KLF12: variants seen among roughly 807,000 people sequenced by gnomAD.
The protein encoded by KLF12 is Krueppel-like factor 12.
In KLF12, 9 loss-of-function variants were observed where a neutral mutation model predicts 37.8. That is an observed-to-expected ratio of 0.24 (90% CI 0.14 to 0.42). KLF12 has a LOEUF of 0.42. Ranked by LOEUF, KLF12 falls within the 10% of genes least tolerant of loss-of-function variation. KLF12 has a pLI of 1.00. For synonymous variants in KLF12, 208 were observed against 202.1 expected (o/e 1.03, Z -0.25); for missense variants, 411 against 516.0 (o/e 0.80, Z 1.97).
chr13:73,870,799 T>C (rs1886426449), intron 3 of KLF12, among the ~76,000 whole-genome samples: 1 of 152,208 alleles, frequency 6.6e-6, no homozygotes, highest in Non-Finnish European at 1.5e-5. Flanking sequence ...GTCTTTCAAA[T>C]ATATTTCTTT....
chr13:74,249,711 A>G, the KLF12 span, among the ~76,000 whole-genome samples: 1 of 152,186 alleles, frequency 6.6e-6, no homozygotes, highest in African/African-American at 2.4e-5. Flanking sequence ...TGCTTTTGAA[A>G]CAATGTGTTC....
At chr13:74,002,578 G>C (rs1056742571) in intron 1 of KLF12, among the ~76,000 whole-genome samples, 18 of 152,102 alleles carry the variant, frequency 1.2e-4, no homozygotes, top group Non-Finnish European at 2.4e-4. Context: ...ATGTTGCTTA[G>C]GCTGGTCTCA....
At chr13:74,196,415 C>G in the KLF12 span, among the ~76,000 whole-genome samples, 1 of 152,140 alleles carries the variant, frequency 6.6e-6, no homozygotes, top group African/African-American at 2.4e-5. Context: ...GGGTGTGCTG[C>G]AACCCTTGAC....
At chr13:74,071,648 G>A (rs574992407) in intron 1 of KLF12, among the ~76,000 whole-genome samples, 23 of 152,160 alleles carry the variant, frequency 1.5e-4, no homozygotes, top group South Asian at 8.3e-4. Flanking sequence ...AGCCAAGATC[G>A]CACCACTGCA....
intron 5 of KLF12, among the ~76,000 whole-genome samples, chr13:73,776,699 A>G (rs1052876795): frequency 6.6e-6 from 1 of 152,218 alleles, no homozygotes; most frequent in Non-Finnish European, 1.5e-5. Flanking sequence ...TACAGAGTTT[A>G]CCCTGCAGAA....
the KLF12 span, among the ~76,000 whole-genome samples, chr13:74,233,767 A>G: frequency 1.3e-5 from 2 of 152,236 alleles, no homozygotes; most frequent in African/African-American, 2.4e-5. Context: ...TCAGATCATC[A>G]TATGATAAGA....
At chr13:74,172,239 A>G in the KLF12 span, among the ~76,000 whole-genome samples, 6 of 152,122 alleles carry the variant, frequency 3.9e-5, no homozygotes, top group Admixed American at 2.6e-4. Context: ...TCAGATATCA[A>G]CAAGGTATTT....
intron 7 of KLF12, 25 bp from the exon 8 acceptor site, chr13:73,695,696 C>T (rs1295492813): frequency 1.2e-6 from 2 of 1,606,812 alleles, no homozygotes; most frequent in African/African-American, 2.7e-5. Flanking sequence ...GGAACACAAG[C>T]TTTGGTGCTC....
intron 1 of KLF12, among the ~76,000 whole-genome samples, chr13:74,091,244 C>T (rs1187468423): frequency 1.3e-5 from 2 of 152,164 alleles, no homozygotes; most frequent in Non-Finnish European, 1.5e-5. Context: ...AAAGAACAAA[C>T]ATTCGAACTA....
chr13:73,998,647 G>T (rs1202008496), intron 1 of KLF12, among the ~76,000 whole-genome samples: 1 of 152,204 alleles, frequency 6.6e-6, no homozygotes, highest in African/African-American at 2.4e-5. Context: ...AACTAGGGAA[G>T]TTGACAGGCA....
chr13:73,998,144 G>A (rs2138289500), intron 1 of KLF12, among the ~76,000 whole-genome samples: 1 of 152,260 alleles, frequency 6.6e-6, no homozygotes, highest in East Asian at 1.9e-4. Flanking sequence ...CATAGTGAAA[G>A]TGAATGCTAT....
At chr13:73,993,169 T>G (rs918597836) in intron 2 of KLF12, among the ~76,000 whole-genome samples, 23 of 152,140 alleles carry the variant, frequency 1.5e-4, no homozygotes, top group African/African-American at 5.3e-4. Context: ...AAGGCAGAGG[T>G]TGCAGTAAGC....
At chr13:73,834,344 AC>A (rs1594147028) in intron 4 of KLF12, among the ~76,000 whole-genome samples, 1 of 152,130 alleles carries the variant, frequency 6.6e-6, no homozygotes, top group Non-Finnish European at 1.5e-5. Context: ...CCATGCTCCT[AC>A]TGAACTCCTA....
chr13:73,738,046 C>T (rs1260988524), intron 6 of KLF12, among the ~76,000 whole-genome samples: 2 of 96,754 alleles, frequency 2.1e-5, no homozygotes, highest in African/African-American at 6.1e-5. Context: ...CACACACACA[C>T]ATACGTGTGT....
At chr13:74,071,270 T>C (rs1318246823) in intron 1 of KLF12, among the ~76,000 whole-genome samples, 1 of 152,174 alleles carries the variant, frequency 6.6e-6, no homozygotes, top group Non-Finnish European at 1.5e-5. Flanking sequence ...ACAGGAGTAT[T>C]TTATTAAAAC....
chr13:73,886,558 C>T (rs920999444), intron 3 of KLF12, among the ~76,000 whole-genome samples: 4 of 152,072 alleles, frequency 2.6e-5, no homozygotes. Context: ...ATCTGTGCAG[C>T]AAACCACCAT....
rs568055310 is a variant in KLF12, at chr13:73,838,014, C to T, written c.670+7813G>A. ...GAACGAAATCTCTAGCAACTGAGTACAGGAAGGATTCATGACCTGAAACAA... is the reference window on the plus strand; with the variant it reads ...GAACGAAATCTCTAGCAACTGAGTATAGGAAGGATTCATGACCTGAAACAA... On this transcript the variant is annotated intron_variant, in intron 4 of 7. Coordinates refer to ENST00000377669, the MANE Select transcript of KLF12 (RefSeq NM_007249.5). Among the ~76,000 whole-genome samples, 12 of 152,214 alleles carry T rather than the reference C, an allele frequency of 7.9e-5. No individual in the cohort carries two copies. The East Asian group carries it at 2.3e-3, about 29-fold the overall frequency.
At chr13:73,761,610 T>C (rs1182253026) in intron 6 of KLF12, among the ~76,000 whole-genome samples, 2 of 152,194 alleles carry the variant, frequency 1.3e-5, no homozygotes, top group Non-Finnish European at 2.9e-5. Context: ...TTTGTTGTTG[T>C]TGTTGCTAAG....
intron 6 of KLF12, among the ~76,000 whole-genome samples, chr13:73,728,996 C>T (rs1018909029): frequency 6.6e-6 from 1 of 152,208 alleles, no homozygotes; most frequent in Non-Finnish European, 1.5e-5. Context: ...CCATTCCTTA[C>T]TATGTCAACT....
Sources: allele counts gnomAD v4.1 joint callset (sites outside exome capture counted in the v4.1 genomes callset), GRCh38; gene constraint gnomAD v4.1.1; transcripts MANE v1.5; gene names NCBI Gene and HGNC (gene_info 2026-07-23, HGNC 2026-07-21).